PTPRD: variants seen among roughly 807,000 people sequenced by gnomAD.
The protein encoded by PTPRD is protein tyrosine phosphatase receptor type D.
A neutral mutation model predicts 214.5 loss-of-function variants in PTPRD; 34 were observed. The ratio of observed to expected loss-of-function variants is 0.16; its 90% CI spans 0.12 to 0.21. PTPRD has a LOEUF of 0.21. Ranked by LOEUF, PTPRD falls within the 10% of genes least tolerant of loss-of-function variation. The pLI is 1.00. For synonymous variants in PTPRD, 1,128 were observed against 845.7 expected (o/e 1.33, Z -5.79); for missense variants, 2,545 against 2,398.7 (o/e 1.06, Z -1.27).
intron 12 of PTPRD, among the ~76,000 whole-genome samples, chr9:8,720,631 A>G (rs144099034): frequency 2.4e-3 from 361 of 152,332 alleles, no homozygotes; most frequent in African/African-American, 8.3e-3. Flanking sequence ...AAGAATGGAA[A>G]TCATTTTATA....
intron 4 of PTPRD, among the ~76,000 whole-genome samples, chr9:9,969,671 C>T (rs114464789): frequency 0.015 from 2,313 of 152,254 alleles, 53 homozygotes; most frequent in African/African-American, 0.049. Flanking sequence ...TTGGGGCTGC[C>T]GCTTCTACTG....
chr9:8,330,522 C>T (rs1434957418), intron 44 of PTPRD, among the ~76,000 whole-genome samples: 1 of 151,914 alleles, frequency 6.6e-6, no homozygotes, highest in Non-Finnish European at 1.5e-5. Flanking sequence ...TCATTTCCTA[C>T]AAGCTCTTTG....
chr9:9,961,003 T>C (rs1435342170), intron 4 of PTPRD, among the ~76,000 whole-genome samples: 1 of 152,044 alleles, frequency 6.6e-6, no homozygotes, highest in Non-Finnish European at 1.5e-5. Context: ...GGGTGAAAGA[T>C]ATGAACAGAC....
At chr9:8,490,639 A>G (rs1439294573) in intron 27 of PTPRD, among the ~76,000 whole-genome samples, 1 of 152,234 alleles carries the variant, frequency 6.6e-6, no homozygotes, top group Non-Finnish European at 1.5e-5. Context: ...ATTACAATAC[A>G]GAATAATGGG....
chr9:9,942,909 T>C (rs2091857870), intron 4 of PTPRD, among the ~76,000 whole-genome samples: 1 of 151,680 alleles, frequency 6.6e-6, no homozygotes, highest in African/African-American at 2.4e-5. Flanking sequence ...TTTTTTTTTT[T>C]TAAAGCTTTT....
At chr9:10,118,454 C>A (rs972335597) in intron 3 of PTPRD, among the ~76,000 whole-genome samples, 1 of 151,554 alleles carries the variant, frequency 6.6e-6, no homozygotes, top group Non-Finnish European at 1.5e-5. Flanking sequence ...AATAAAATAA[C>A]AAGCCCCAAA....
At chr9:9,839,535 G>A (rs942923720) in intron 5 of PTPRD, among the ~76,000 whole-genome samples, 1 of 151,972 alleles carries the variant, frequency 6.6e-6, no homozygotes, top group Non-Finnish European at 1.5e-5. Context: ...ACAAACCACT[G>A]CTCAATGAAA....
At chr9:10,381,090 AAATAT>A (rs1190314269) in intron 2 of PTPRD, among the ~76,000 whole-genome samples, 2 of 151,864 alleles carry the variant, frequency 1.3e-5, no homozygotes, top group Non-Finnish European at 2.9e-5. Context: ...AAAATAATTA[AAATAT>A]AAGACCAAAA....
At chr9:9,564,706 A>G (rs2083897930) in intron 8 of PTPRD, among the ~76,000 whole-genome samples, 1 of 151,992 alleles carries the variant, frequency 6.6e-6, no homozygotes, top group Non-Finnish European at 1.5e-5. Context: ...CTCCTGTATT[A>G]ATATGTAACT....
At chr9:9,876,139 CT>C (rs2066795060) in intron 5 of PTPRD, among the ~76,000 whole-genome samples, 1 of 152,072 alleles carries the variant, frequency 6.6e-6, no homozygotes, top group Admixed American at 6.6e-5. Flanking sequence ...ATTATGATTA[CT>C]ATGATTATGG....
intron 3 of PTPRD, among the ~76,000 whole-genome samples, chr9:10,161,710 TA>T (rs1435649230): frequency 6.6e-6 from 1 of 151,682 alleles, no homozygotes; most frequent in African/African-American, 2.4e-5. Flanking sequence ...TATATCAAGC[TA>T]AAAACCTTTT....
chr9:8,667,815 T>A (rs2154360584), intron 12 of PTPRD, among the ~76,000 whole-genome samples: 1 of 152,232 alleles, frequency 6.6e-6, no homozygotes, highest in East Asian at 1.9e-4. Flanking sequence ...GTCCCGATCA[T>A]TTCAGATAAG....
At chr9:9,262,310 T>C (rs1038910953) in intron 9 of PTPRD, among the ~76,000 whole-genome samples, 1 of 150,926 alleles carries the variant, frequency 6.6e-6, no homozygotes, top group African/African-American at 2.4e-5. Flanking sequence ...TTAAAATATA[T>C]TTTATTTAAT....
At chr9:9,268,650 G>C (rs1594864056) in intron 9 of PTPRD, among the ~76,000 whole-genome samples, 1 of 150,738 alleles carries the variant, frequency 6.6e-6, no homozygotes, top group Non-Finnish European at 1.5e-5. Flanking sequence ...ACTATAATAT[G>C]GGCATAACAA....
chr9:9,679,025 C>T (rs1453854450), intron 7 of PTPRD, among the ~76,000 whole-genome samples: 1 of 150,458 alleles, frequency 6.6e-6, no homozygotes, highest in East Asian at 2.0e-4. Context: ...GGGTTAAATG[C>T]ATACAATATA....
At chr9:8,437,523 A>C (rs945628609) in intron 34 of PTPRD, among the ~76,000 whole-genome samples, 1 of 152,142 alleles carries the variant, frequency 6.6e-6, no homozygotes, top group East Asian at 1.9e-4. Flanking sequence ...TCAGACACCA[A>C]ACTGAGCTTC....
intron 5 of PTPRD, among the ~76,000 whole-genome samples, chr9:9,847,514 T>G (rs542772508): frequency 6.6e-6 from 1 of 152,270 alleles, no homozygotes; most frequent in South Asian, 2.1e-4. Context: ...GTCCCTGTTC[T>G]CTGGACCTAA....
chr9:9,448,645 T>A (rs1309868604), intron 8 of PTPRD, among the ~76,000 whole-genome samples: 1 of 152,022 alleles, frequency 6.6e-6, no homozygotes, highest in Non-Finnish European at 1.5e-5. Flanking sequence ...GATGCCCTGC[T>A]CTAAGAGTTA....
rs1235616078 is a variant in PTPRD, at chr9:8,314,705, A to C, written c.*3169T>G. ...AAACCGAAAATAAACAGGAAAGAAA[A>C]AAAATACGTGCATTACTGCAGACTT... On this transcript the variant is annotated 3_prime_UTR_variant, in exon 46 of 46. Coordinates refer to ENST00000381196, the MANE Select transcript of PTPRD (RefSeq NM_002839.4). 2 of 232,280 alleles carry C rather than the reference A, an allele frequency of 8.6e-6. No homozygotes were observed. Among genetic ancestry groups the C allele is most frequent in the East Asian group, 1.2e-4 (2 of 16,520 alleles). The allele number at this position is 232,280 out of a possible 1,614,324, so 14.4% of individuals were successfully genotyped here. A position where few individuals can be genotyped will look rare whatever the true frequency, so the allele number is the denominator to read the frequency against.
Sources: allele counts gnomAD v4.1 joint callset (sites outside exome capture counted in the v4.1 genomes callset), GRCh38; gene constraint gnomAD v4.1.1; transcripts MANE v1.5; gene names NCBI Gene and HGNC (gene_info 2026-07-23, HGNC 2026-07-21).